The following ARGLU1 variants were observed in gnomAD, a reference collection of about 807,000 sequenced individuals.
ARGLU1 encodes arginine and glutamate rich 1, also known as arginine and glutamate-rich protein 1.
A neutral mutation model predicts 37.6 loss-of-function variants in ARGLU1; 9 were observed. The observed-to-expected ratio is 0.24, with a 90% CI of 0.14 to 0.42. The LOEUF (loss-of-function observed/expected upper bound fraction) is 0.42, where lower values mean the gene tolerates loss of function less well. Ranked by LOEUF, ARGLU1 falls within the 10% of genes least tolerant of loss-of-function variation. ARGLU1 has a pLI of 1.00. For missense variants in ARGLU1, 211 were observed against 359.2 expected (o/e 0.59, Z 3.34); for synonymous variants, 166 against 138.5 (o/e 1.20, Z -1.39).
At position 106,567,850 on chromosome 13, in the gene ARGLU1, GCTT is replaced by G. The variant is rs1394245474; in HGVS notation, c.67_69del (p.Lys23del). ...CGGGATCGCGACCGGGACCGGCTGC[GCTT>G]CTTGTTGTGCTTGCTGCTCTTGGTG... On this transcript the variant is annotated inframe_deletion, in exon 1 of 4. Coordinates refer to ENST00000400198, the MANE Select transcript of ARGLU1 (RefSeq NM_018011.4). The surrounding 1 kb of genome is among the most constrained non-coding windows in gnomAD (Gnocchi z 4.3). 6.2e-7 allele frequency: 1 copy of G among 1,613,336 alleles called. No homozygotes were observed. Among genetic ancestry groups the G allele is most frequent in the South Asian group, 1.1e-5 (1 of 91,072 alleles).
chr13:106,560,623 A>T (rs1880772724), intron 1 of ARGLU1, among the ~76,000 whole-genome samples: 1 of 152,226 alleles, frequency 6.6e-6, no homozygotes, highest in South Asian at 2.1e-4. Context: ...TCCATTTCTT[A>T]AGGTTACTAA....
intron 3 of ARGLU1, among the ~76,000 whole-genome samples, chr13:106,544,963 G>A (rs1468818140): frequency 2.6e-5 from 4 of 152,124 alleles, no homozygotes; most frequent in Admixed American, 1.3e-4. Flanking sequence ...CTTCTTTCCC[G>A]CATTCTTCCA....
At chr13:106,551,908 C>T (rs1670391728) in intron 3 of ARGLU1, among the ~76,000 whole-genome samples, 1 of 152,110 alleles carries the variant, frequency 6.6e-6, no homozygotes, top group Admixed American at 6.5e-5. Flanking sequence ...CATTTAAGGC[C>T]CACCAGATAA....
chr13:106,560,764 C>T (rs1202599764), intron 1 of ARGLU1, among the ~76,000 whole-genome samples: 1 of 152,168 alleles, frequency 6.6e-6, no homozygotes, highest in East Asian at 1.9e-4. Flanking sequence ...ATTCATGTTC[C>T]AACTTTCTCA....
intron 3 of ARGLU1, among the ~76,000 whole-genome samples, chr13:106,552,342 T>A (rs1242663553): frequency 6.6e-6 from 1 of 152,192 alleles, no homozygotes; most frequent in East Asian, 1.9e-4. Context: ...CACCCCCATC[T>A]CCCATCAAAA....
At chr13:106,566,920 A>C (rs1158713437) in intron 1 of ARGLU1, among the ~76,000 whole-genome samples, 1 of 152,058 alleles carries the variant, frequency 6.6e-6, no homozygotes, top group Non-Finnish European at 1.5e-5. Flanking sequence ...ATCGCACTGT[A>C]CACTTAAGGT....
intron 3 of ARGLU1, among the ~76,000 whole-genome samples, chr13:106,549,561 G>A (rs1191164316): frequency 7.2e-5 from 11 of 152,192 alleles, no homozygotes; most frequent in Non-Finnish European, 8.8e-5. Flanking sequence ...AGGGTAAAAC[G>A]CAAGGATCCC....
chr13:106,553,593 G>A (rs1382602204), intron 3 of ARGLU1, among the ~76,000 whole-genome samples: 1 of 152,062 alleles, frequency 6.6e-6, no homozygotes, highest in Non-Finnish European at 1.5e-5. Flanking sequence ...GCCAACACAG[G>A]ACACTATGAA....
At chr13:106,562,458 G>C (rs1880835791) in intron 1 of ARGLU1, among the ~76,000 whole-genome samples, 1 of 152,132 alleles carries the variant, frequency 6.6e-6, no homozygotes, top group Non-Finnish European at 1.5e-5. Context: ...GAGTGGGTCA[G>C]TGTCTTGCAA....
chr13:106,563,141 G>C (rs1029775992), intron 1 of ARGLU1, among the ~76,000 whole-genome samples: 3 of 152,092 alleles, frequency 2.0e-5, no homozygotes, highest in African/African-American at 7.2e-5. Context: ...TAAAATGTGG[G>C]AACTCAATCC....
Position 106,567,512 on chromosome 13 carries a change from ACGCCCTCGCCCCG to A in ARGLU1, c.347+48_347+60del, listed in dbSNP as rs965391082. The A allele has an allele frequency of 1.4e-5, 17 of 1,219,046 alleles. No individual in the cohort carries two copies. The highest frequency in any genetic ancestry group is 7.6e-5 in the Admixed American group (4 of 52,516). 75.5% of individuals were successfully genotyped at this position (1,219,046 alleles called of 1,614,324 possible). A position where few individuals can be genotyped will look rare whatever the true frequency, so the allele number is the denominator to read the frequency against. ...GCCCGCACCGTCCCGCCCCGGCCCC[ACGCCCTCGCCCCG>A]CGCCCTGCTCTCCGCACGCCCCGGT... On this transcript the variant is annotated intron_variant, in intron 1 of 3. Transcript: ENST00000400198. This position sits in a 1 kb window ranked among gnomAD's most constrained non-coding sequence, Gnocchi z 4.3.
Position 106,550,071 on chromosome 13 carries a change from C to T in ARGLU1, c.658-5911G>A, listed in dbSNP as rs902602203. On this transcript the variant is annotated intron_variant, in intron 3 of 3. Coordinates refer to ENST00000400198, the MANE Select transcript of ARGLU1 (RefSeq NM_018011.4). Reference sequence around the variant, plus strand: ...TCTTGGTCATTCACTATTTTGTGCACTAAGTTTTCCTTAAATGCTTAGGGA... The same window carrying T: ...TCTTGGTCATTCACTATTTTGTGCATTAAGTTTTCCTTAAATGCTTAGGGA... Among the ~76,000 whole-genome samples the T allele has an allele frequency of 2.0e-5, 3 of 152,096 alleles. 1 individual carries two copies. The highest frequency in any genetic ancestry group is 1.3e-4 in the Admixed American group (2 of 15,268).
intron 1 of ARGLU1, chr13:106,561,800 A>T (rs1292765514): frequency 1.3e-5 from 2 of 152,204 alleles, no homozygotes; most frequent in Non-Finnish European, 2.9e-5. Context: ...TTTGGTCAGT[A>T]AGGAGAAAAT....
At position 106,567,442 on chromosome 13, in the gene ARGLU1, C is replaced by T. The variant is rs184228516; in HGVS notation, c.347+131G>A. The T allele has an allele frequency of 5.0e-3, 3,114 of 618,018 alleles. 87 individuals carry two copies. The African/African-American group carries it at 0.053, about 11-fold the overall frequency. 38.3% of individuals were successfully genotyped at this position (618,018 alleles called of 1,614,324 possible). A position where few individuals can be genotyped will look rare whatever the true frequency, so the allele number is the denominator to read the frequency against. ...CCCGCCGCCGCCTCTCCGACCCGTT[C>T]CCGCGCCCGGTCCCCAGCCCCGGAC... is the stretch of plus-strand genomic sequence containing the variant. On this transcript the variant is annotated intron_variant, in intron 1 of 3. Transcript: ENST00000400198. The surrounding 1 kb of genome is among the most constrained non-coding windows in gnomAD (Gnocchi z 4.3).
intron 2 of ARGLU1, chr13:106,558,766 A>G: frequency 2.0e-6 from 2 of 985,384 alleles, no homozygotes; most frequent in African/African-American, 3.5e-5. Context: ...CTAGAGAAAA[A>G]AAGGAGTTGT....
chr13:106,547,569 T>C (rs1880424435), intron 3 of ARGLU1, among the ~76,000 whole-genome samples: 1 of 152,172 alleles, frequency 6.6e-6, no homozygotes, highest in South Asian at 2.1e-4. Flanking sequence ...GGCCCCTATG[T>C]TCCGCAATGG....
intron 3 of ARGLU1, among the ~76,000 whole-genome samples, chr13:106,551,403 T>C (rs1040860408): frequency 6.6e-6 from 1 of 152,234 alleles, no homozygotes; most frequent in African/African-American, 2.4e-5. Context: ...ATAGAAAGGA[T>C]CTCTTTCCCT....
At chr13:106,563,005 AAAAC>A (rs1399192153) in intron 1 of ARGLU1, among the ~76,000 whole-genome samples, 15 of 122,984 alleles carry the variant, frequency 1.2e-4, no homozygotes, top group African/African-American at 2.5e-4. Flanking sequence ...AAAAAAAAAA[AAAAC>A]AAAAAAAAAA....
At chr13:106,553,960 T>C (rs1465686050) in intron 3 of ARGLU1, among the ~76,000 whole-genome samples, 2 of 152,220 alleles carry the variant, frequency 1.3e-5, no homozygotes, top group Non-Finnish European at 2.9e-5. Flanking sequence ...TTCCACACCC[T>C]AGCCTTTGTT....
Sources: gnomAD v4.1 joint callset for allele counts (sites outside exome capture counted in the v4.1 genomes callset) on GRCh38, gnomAD v4.1.1 for gene constraint, Gnocchi (gnomAD v3.1) non-coding constraint, MANE v1.5 for transcripts, NCBI Gene and HGNC (gene_info 2026-07-23, HGNC 2026-07-21) for gene names.